The following UNC5D variants were observed in gnomAD, a reference collection of about 807,000 sequenced individuals.
UNC5D encodes the protein unc-5 netrin receptor D.
A neutral mutation model predicts 105.4 loss-of-function variants in UNC5D; 39 were observed. The ratio of observed to expected loss-of-function variants is 0.37; its 90% confidence interval spans 0.29 to 0.48. UNC5D has a LOEUF of 0.48. UNC5D is among the 20% of genes least tolerant of loss of function. The pLI is 0.98. For synonymous variants in UNC5D, 452 were observed against 450.4 expected (o/e 1.00, Z -0.04); for missense variants, 991 against 1,202.4 (o/e 0.82, Z 2.60).
Position 35,615,564 on chromosome 8 carries a change from C to T in UNC5D, c.570+19907C>T, listed in dbSNP as rs370827104. Among the ~76,000 whole-genome samples the T allele has an allele frequency of 5.9e-5, 9 of 152,198 alleles. 1 individual carries two copies. The highest frequency in any genetic ancestry group is 1.7e-4 in the African/African-American group (7 of 41,508). Reference sequence around the variant, plus strand: ...TCACTCAGGCTGGAGTGCAGTGGCACGATCTTGGCTCTTTTCTATAAATCC... The same window carrying T: ...TCACTCAGGCTGGAGTGCAGTGGCATGATCTTGGCTCTTTTCTATAAATCC... On this transcript the variant is annotated intron_variant, in intron 4 of 16. Coordinates refer to ENST00000404895, the MANE Select transcript of UNC5D (RefSeq NM_080872.4).
chr8:35,415,903 A>T (rs1037450850), intron 1 of UNC5D, among the ~76,000 whole-genome samples: 2 of 152,142 alleles, frequency 1.3e-5, no homozygotes, highest in African/African-American at 4.8e-5. Context: ...TATCTGAAAG[A>T]CCTGAGTTTG....
chr8:35,496,986 C>T (rs1322272764), intron 1 of UNC5D, among the ~76,000 whole-genome samples: 5 of 152,060 alleles, frequency 3.3e-5, no homozygotes, highest in Admixed American at 3.3e-4. Context: ...GCCCCTATAA[C>T]AAAGATAGAT....
chr8:35,434,773 A>G (rs1023979928), intron 1 of UNC5D, among the ~76,000 whole-genome samples: 2 of 152,154 alleles, frequency 1.3e-5, no homozygotes, highest in African/African-American at 2.4e-5. Context: ...CTTACATGAT[A>G]GTTCTTTCCT....
At chr8:35,707,513 A>G (rs753257182) in intron 8 of UNC5D, among the ~76,000 whole-genome samples, 7 of 152,082 alleles carry the variant, frequency 4.6e-5, no homozygotes, top group Non-Finnish European at 8.8e-5. Flanking sequence ...AAATAAACAG[A>G]TCACTGAATA....
chr8:35,716,744 C>T (rs1052923721), intron 8 of UNC5D, among the ~76,000 whole-genome samples: 14 of 152,072 alleles, frequency 9.2e-5, no homozygotes, highest in Non-Finnish European at 2.1e-4. Context: ...AGAGATATTA[C>T]GAGATTCTAA....
chr8:35,597,713 C>T (rs758887392), intron 4 of UNC5D, among the ~76,000 whole-genome samples: 1 of 151,796 alleles, frequency 6.6e-6, no homozygotes, highest in African/African-American at 2.4e-5. Flanking sequence ...ACTTTTTTTT[C>T]AGATGGAAGA....
At chr8:35,305,917 C>A (rs13282296) in intron 1 of UNC5D, among the ~76,000 whole-genome samples, 52,493 of 133,418 alleles carry the variant, frequency 0.39, 10,423 homozygotes, top group Middle Eastern at 0.54. Context: ...TTCTTTCATT[C>A]TTTTCTCTCT....
At chr8:35,274,220 G>A (rs978560243) in intron 1 of UNC5D, among the ~76,000 whole-genome samples, 3 of 152,118 alleles carry the variant, frequency 2.0e-5, no homozygotes, top group South Asian at 2.1e-4. Context: ...GTGTAAAGGC[G>A]AGTTTTTAAA....
intron 4 of UNC5D, among the ~76,000 whole-genome samples, chr8:35,645,527 C>CTG (rs374310163): frequency 0.16 from 23,182 of 145,382 alleles, 4,665 homozygotes; most frequent in African/African-American, 0.48. Flanking sequence ...TGTGTGTGTG[C>CTG]TGTGTGTGTG....
chr8:35,749,169 T>C (rs922130728), intron 12 of UNC5D, among the ~76,000 whole-genome samples: 1 of 152,200 alleles, frequency 6.6e-6, no homozygotes, highest in Non-Finnish European at 1.5e-5. Context: ...TATTTTTTTT[T>C]AGTTAACGAA....
intron 8 of UNC5D, among the ~76,000 whole-genome samples, chr8:35,710,300 G>A (rs1164228274): frequency 2.0e-5 from 3 of 152,300 alleles, no homozygotes; most frequent in African/African-American, 7.2e-5. Flanking sequence ...TGTTTTGGGT[G>A]TAGAGTACAA....
At chr8:35,487,004 A>G (rs1396448863) in intron 1 of UNC5D, among the ~76,000 whole-genome samples, 1 of 152,096 alleles carries the variant, frequency 6.6e-6, no homozygotes, top group African/African-American at 2.4e-5. Flanking sequence ...AGGCCATACT[A>G]TCCAACCCCC....
intron 3 of UNC5D, among the ~76,000 whole-genome samples, chr8:35,577,979 C>T (rs1392216923): frequency 1.3e-5 from 2 of 151,980 alleles, no homozygotes; most frequent in South Asian, 2.1e-4. Flanking sequence ...AATCCTAACA[C>T]TTTGGGAGGC....
intron 1 of UNC5D, among the ~76,000 whole-genome samples, chr8:35,335,756 ATTTTT>A (rs35774459): frequency 6.6e-5 from 6 of 90,482 alleles, no homozygotes; most frequent in East Asian, 3.0e-4. Context: ...AGAGATTGCA[ATTTTT>A]TTTTTTTTTT....
At chr8:35,619,969 C>T (rs1351317741) in intron 4 of UNC5D, among the ~76,000 whole-genome samples, 1 of 152,212 alleles carries the variant, frequency 6.6e-6, no homozygotes, top group Non-Finnish European at 1.5e-5. Context: ...GCTCTGCAGC[C>T]TGTAAGCATG....
At chr8:35,447,545 A>G (rs1256122321) in intron 1 of UNC5D, among the ~76,000 whole-genome samples, 1 of 152,112 alleles carries the variant, frequency 6.6e-6, no homozygotes, top group Non-Finnish European at 1.5e-5. Context: ...GCCTGTTTCT[A>G]CAAGTATAAA....
chr8:35,770,036 G>C (rs554388585), intron 15 of UNC5D, among the ~76,000 whole-genome samples: 1 of 151,862 alleles, frequency 6.6e-6, no homozygotes, highest in Non-Finnish European at 1.5e-5. Context: ...AAGTGAAGAC[G>C]CAAAAAGTGC....
chr8:35,262,505 C>G (rs1804561341), intron 1 of UNC5D, among the ~76,000 whole-genome samples: 1 of 152,114 alleles, frequency 6.6e-6, no homozygotes, highest in African/African-American at 2.4e-5. Flanking sequence ...AACAAACAAG[C>G]CTTTCCAGCA....
chr8:35,736,867 C>T (rs999695907), intron 11 of UNC5D, among the ~76,000 whole-genome samples: 5 of 152,098 alleles, frequency 3.3e-5, no homozygotes, highest in South Asian at 2.1e-4. Flanking sequence ...GATCGTGTAG[C>T]GATGTTTGCC....
Sources: allele counts gnomAD v4.1 joint callset (sites outside exome capture counted in the v4.1 genomes callset), GRCh38; gene constraint gnomAD v4.1.1; transcripts MANE v1.5; gene names NCBI Gene and HGNC (gene_info 2026-07-23, HGNC 2026-07-21).